ANKRD44: variants seen among roughly 807,000 people sequenced by gnomAD.
ANKRD44 encodes serine/threonine-protein phosphatase 6 regulatory ankyrin repeat subunit B.
In ANKRD44, 35 loss-of-function variants were observed where a neutral mutation model predicts 116.0. That is an observed-to-expected ratio of 0.30 (90% CI 0.23 to 0.40). The LOEUF (loss-of-function observed/expected upper bound fraction) is 0.40. ANKRD44 is among the 10% of genes least tolerant of loss of function. The probability of loss-of-function intolerance (pLI) is 1.00; values close to 1 mark genes in which losing one functional copy is unlikely to be tolerated. For synonymous variants in ANKRD44, 435 were observed against 461.8 expected (o/e 0.94, Z 0.74); for missense variants, 1,014 against 1,242.6 (o/e 0.82, Z 2.77).
intron 16 of ANKRD44, among the ~76,000 whole-genome samples, chr2:197,059,184 T>C (rs1056377540): frequency 3.3e-5 from 5 of 152,026 alleles, no homozygotes; most frequent in African/African-American, 4.8e-5. Flanking sequence ...CTGAGGGACA[T>C]GGGAATGATA....
intron 16 of ANKRD44, among the ~76,000 whole-genome samples, chr2:197,073,477 C>A (rs2077602674): frequency 6.6e-6 from 1 of 152,212 alleles, no homozygotes; most frequent in East Asian, 1.9e-4. Flanking sequence ...TTTGACCCAT[C>A]ATTTCTGAGA....
At chr2:197,156,345 C>CA (rs566571449) in intron 2 of ANKRD44, among the ~76,000 whole-genome samples, 15,269 of 124,984 alleles carry the variant, frequency 0.12, 1,062 homozygotes, top group African/African-American at 0.23. Context: ...GACTCCGTCT[C>CA]AAAAAAAAAA....
At chr2:197,103,012 A>G (rs757527034) in intron 9 of ANKRD44, among the ~76,000 whole-genome samples, 18 of 152,068 alleles carry the variant, frequency 1.2e-4, no homozygotes, top group South Asian at 4.1e-4. Flanking sequence ...GGCAGATCAC[A>G]AGGTCAGGAG....
downstream of ANKRD44, among the ~76,000 whole-genome samples, chr2:196,986,406 AAAAACAAAAC>A (rs57186025): frequency 2.2e-3 from 327 of 152,050 alleles, 5 homozygotes; most frequent in Admixed American, 0.015. Context: ...CAGAGCAGAA[AAAAACAAAAC>A]AAAACAAAAC....
rs542480995 is a variant in ANKRD44, at chr2:197,130,528, AG to A, written c.262-4492del. On this transcript the variant is annotated intron_variant, in intron 4 of 27. Transcript: ENST00000282272. ...ACCACAGGCTTCATTCAGAATCACT[AG>A]GGGTGAGGTTTTAGAACAGGAAGTT... Among the ~76,000 whole-genome samples the A allele has an allele frequency of 1.4e-4, 22 of 152,310 alleles. No individual in the cohort carries two copies. In the East Asian group the frequency reaches 4.1e-3, roughly 28 times the overall value.
chr2:196,973,075 A>C (rs2075726724), intron 21 of ANKRD44, among the ~76,000 whole-genome samples: 1 of 152,146 alleles, frequency 6.6e-6, no homozygotes, highest in Admixed American at 6.5e-5. Flanking sequence ...TATACCCACT[A>C]CCACTGTAGG....
At position 197,089,938 on chromosome 2, in the gene ANKRD44, A is replaced by G; in HGVS notation, c.1183+12T>C. 1 of 1,612,228 alleles carries G rather than the reference A, an allele frequency of 6.2e-7. No individual in the cohort carries two copies. Reference sequence around the variant, plus strand: ...CACATTAAGCCTCATCTCTGCTAACAGATTTACTTACCCGATGATAACAAC... The same window carrying G: ...CACATTAAGCCTCATCTCTGCTAACGGATTTACTTACCCGATGATAACAAC... On this transcript the variant is annotated intron_variant, in intron 11 of 27. Coordinates refer to ENST00000282272, the MANE Select transcript of ANKRD44 (RefSeq NM_001195144.2).
At chr2:197,111,855 T>TC (rs1207421596) in intron 8 of ANKRD44, among the ~76,000 whole-genome samples, 1 of 152,112 alleles carries the variant, frequency 6.6e-6, no homozygotes, top group East Asian at 1.9e-4. Flanking sequence ...TCATTAGAAG[T>TC]CACAGGACTA....
In ANKRD44 at chr2:196,988,658, A is replaced by G; in HGVS notation, c.*933T>C. 2 of 985,324 alleles carry G rather than the reference A, an allele frequency of 2.0e-6. No individual in the cohort carries two copies. Among genetic ancestry groups the G allele is most frequent in the African/African-American group, 1.7e-5 (1 of 57,364 alleles). The allele number at this position is 985,324 out of a possible 1,614,324, so 61.0% of individuals were successfully genotyped here. A position where few individuals can be genotyped will look rare whatever the true frequency, so the allele number is the denominator to read the frequency against. ...ATTTTTGAAATATCTCACATACACT[A>G]TAAAATAGCAATTTCCAGGGTGGAA... On this transcript the variant is annotated 3_prime_UTR_variant, in exon 28 of 28. Transcript: ENST00000282272.
chr2:197,158,222 A>G (rs1262612268), intron 2 of ANKRD44, among the ~76,000 whole-genome samples: 1 of 152,226 alleles, frequency 6.6e-6, no homozygotes, highest in African/African-American at 2.4e-5. Context: ...AAAAGCTAAT[A>G]AAGTTCACAA....
At chr2:197,110,229 G>T (rs981869619) in intron 9 of ANKRD44, among the ~76,000 whole-genome samples, 2 of 152,022 alleles carry the variant, frequency 1.3e-5, no homozygotes, top group East Asian at 3.9e-4. Context: ...TGCCCACCTC[G>T]GCCTCCCAAA....
intron 20 of ANKRD44, among the ~76,000 whole-genome samples, chr2:197,006,644 A>G (rs541004401): frequency 6.6e-6 from 1 of 152,340 alleles, no homozygotes; most frequent in East Asian, 1.9e-4. Context: ...AAAGGCTCTC[A>G]GCTTGTTGTA....
intron 21 of ANKRD44, among the ~76,000 whole-genome samples, chr2:197,003,656 G>A (rs1189776060): frequency 6.6e-6 from 1 of 152,156 alleles, no homozygotes; most frequent in African/African-American, 2.4e-5. Context: ...TGTACCTGGA[G>A]AGGCTAGGAA....
At chr2:197,234,575 T>C (rs1333637445) in intron 1 of ANKRD44, among the ~76,000 whole-genome samples, 1 of 152,192 alleles carries the variant, frequency 6.6e-6, no homozygotes, top group Non-Finnish European at 1.5e-5. Flanking sequence ...TTTTTAAAAT[T>C]TTCTAGATTT....
chr2:197,086,616 C>CTACA, intron 13 of ANKRD44, 64 bp downstream of exon 13: 1 of 1,493,928 alleles, frequency 6.7e-7, no homozygotes, highest in Admixed American at 1.7e-5. Flanking sequence ...AACTTGATTA[C>CTACA]TACATAGACC....
chr2:197,225,184 T>G (rs78185335), intron 1 of ANKRD44, among the ~76,000 whole-genome samples: 4,786 of 152,284 alleles, frequency 0.031, 106 homozygotes, highest in South Asian at 0.074. Context: ...TGTGGAAAGC[T>G]TTGGTACCAG....
At chr2:197,093,599 T>A (rs1463335620) in intron 10 of ANKRD44, among the ~76,000 whole-genome samples, 1 of 152,222 alleles carries the variant, frequency 6.6e-6, no homozygotes, top group African/African-American at 2.4e-5. Flanking sequence ...CGCTTGCATA[T>A]GAAACTATGG....
intron 13 of ANKRD44, among the ~76,000 whole-genome samples, chr2:197,083,995 A>G (rs570495333): frequency 6.6e-6 from 1 of 152,114 alleles, no homozygotes; most frequent in Non-Finnish European, 1.5e-5. Context: ...AGCCCATCCT[A>G]TTGGCTTCCT....
At chr2:196,990,925 G>T in intron 27 of ANKRD44, 2 of 1,232,328 alleles carry the variant, frequency 1.6e-6, no homozygotes, top group South Asian at 8.2e-5. Context: ...GCCGGGGTAT[G>T]ACCTGGGCGT....
Sources: allele counts gnomAD v4.1 joint callset (sites outside exome capture counted in the v4.1 genomes callset), GRCh38; gene constraint gnomAD v4.1.1; transcripts MANE v1.5; gene names NCBI Gene and HGNC (gene_info 2026-07-23, HGNC 2026-07-21).